The following FBN2 variants were observed in gnomAD, a reference collection of about 807,000 sequenced individuals.
FBN2 encodes fibrillin-2.
In FBN2, 105 loss-of-function variants were observed where a neutral mutation model predicts 355.6. The ratio of observed to expected loss-of-function variants is 0.30; its 90% CI spans 0.25 to 0.35. The LOEUF (loss-of-function observed/expected upper bound fraction) is 0.35. Ranked by LOEUF, FBN2 falls within the 10% of genes least tolerant of loss-of-function variation. FBN2 has a pLI of 1.00. For missense variants in FBN2, 3,280 were observed against 3,758.7 expected, an observed-to-expected ratio of 0.87 and a Z score of 3.33; for synonymous variants, 1,350 against 1,301.2, an observed-to-expected ratio of 1.04 and a Z score of -0.81.
chr5:128,352,098 A>G (rs1484284491), intron 20 of FBN2, among the ~76,000 whole-genome samples: 2 of 152,200 alleles, frequency 1.3e-5, no homozygotes, highest in African/African-American at 4.8e-5. Context: ...TTGATGAATA[A>G]TTTAAAAGAA....
intron 48 of FBN2, among the ~76,000 whole-genome samples, chr5:128,293,159 T>C (rs1233319238): frequency 6.6e-6 from 1 of 152,192 alleles, no homozygotes; most frequent in African/African-American, 2.4e-5. Flanking sequence ...CATGTTAGAA[T>C]GTCATCTGGG....
intron 48 of FBN2, among the ~76,000 whole-genome samples, chr5:128,297,991 T>C (rs1208738834): frequency 2.6e-5 from 4 of 151,542 alleles, no homozygotes; most frequent in East Asian, 1.9e-4. Flanking sequence ...TTCCTTTCCA[T>C]GTTTAGCACT....
intron 11 of FBN2, among the ~76,000 whole-genome samples, chr5:128,384,356 T>G (rs1752312939): frequency 6.6e-6 from 1 of 152,182 alleles, no homozygotes; most frequent in Admixed American, 6.6e-5. Flanking sequence ...ATGAGGGTGA[T>G]GGATATGTTC....
At chr5:128,351,936 T>C (rs1434516395) in intron 20 of FBN2, among the ~76,000 whole-genome samples, 1 of 152,102 alleles carries the variant, frequency 6.6e-6, no homozygotes, top group Non-Finnish European at 1.5e-5. Context: ...AAAGTATTCA[T>C]AAGATATATC....
chr5:128,517,831 A>C (rs1756320809), intron 5 of FBN2, among the ~76,000 whole-genome samples: 1 of 152,172 alleles, frequency 6.6e-6, no homozygotes, highest in Non-Finnish European at 1.5e-5. Context: ...ATAATTTCAT[A>C]TATTCTAGTT....
chr5:128,334,854 T>A lies in FBN2; in HGVS notation c.3974-10A>T. 6.2e-7 allele frequency: 1 copy of A among 1,604,810 alleles called. No homozygotes were observed. The highest frequency in any genetic ancestry group is 8.5e-7 in the Non-Finnish European group (1 of 1,171,504). ...TCACATTCATTGACATCTAGAAAAT[T>A]TATTTTCAATATCTTAGTATGTGCT... On this transcript the variant is annotated splice_polypyrimidine_tract_variant and intron_variant, in intron 30 of 64. Coordinates refer to ENST00000262464, the MANE Select transcript of FBN2 (RefSeq NM_001999.4).
intron 8 of FBN2, among the ~76,000 whole-genome samples, chr5:128,401,997 T>C (rs1407311698): frequency 6.6e-6 from 1 of 152,134 alleles, no homozygotes; most frequent in Non-Finnish European, 1.5e-5. Context: ...TCTCATTTCT[T>C]GAGCCAAAAC....
In FBN2 at chr5:128,464,793, T is replaced by A; in HGVS notation, c.757A>T (p.Met253Leu). ...IGRAWGHPCE[M>L]CPAQPQPCRR... ...CAGGGCTGAGGCTGGGCTGGACACA[T>A]CTCACAGGGATGGCCCCACGCCCGT... The change falls in exon 6 of 65, where the codon ATG becomes TTG. Residue 253 changes from methionine (M) to leucine (L), a missense_variant. By Grantham distance (15) the Met-to-Leu change is conservative. Transcript: ENST00000262464. 1.9e-6 allele frequency: 3 copies of A among 1,614,210 alleles called. No homozygotes were observed. The highest frequency in any genetic ancestry group is 2.5e-6 in the Non-Finnish European group (3 of 1,180,034).
chr5:128,288,325 C>A (rs900130001), intron 53 of FBN2, 113 bp downstream of exon 53: 8 of 1,272,346 alleles, frequency 6.3e-6, no homozygotes, highest in East Asian at 2.5e-5. Context: ...AAACAAAAAA[C>A]CCCACCGTAT....
intron 34 of FBN2, among the ~76,000 whole-genome samples, chr5:128,322,853 A>C (rs112174607): frequency 0.079 from 11,984 of 152,200 alleles, 619 homozygotes; most frequent in Non-Finnish European, 0.11. Context: ...TCTATAAATT[A>C]CTTTGGGCAG....
chr5:128,356,032 C>T (rs577159025), intron 20 of FBN2, among the ~76,000 whole-genome samples: 1 of 152,194 alleles, frequency 6.6e-6, no homozygotes, highest in Non-Finnish European at 1.5e-5. Context: ...TTGATTAATG[C>T]TGAATTCATT....
chr5:128,305,694 A>G, intron 43 of FBN2, 58 bp from the exon 44 acceptor site: 1 of 1,604,766 alleles, frequency 6.2e-7, no homozygotes, highest in Non-Finnish European at 8.5e-7. Context: ...TTAGCATTAC[A>G]TTCACGTCAC....
chr5:128,527,061 A>C (rs1378058379), intron 4 of FBN2, among the ~76,000 whole-genome samples: 1 of 152,198 alleles, frequency 6.6e-6, no homozygotes, highest in African/African-American at 2.4e-5. Context: ...CGTATAGTCT[A>C]CATCAGGTAA....
chr5:128,335,140 T>G, intron 30 of FBN2, 30 bp downstream of exon 30: 1 of 1,614,016 alleles, frequency 6.2e-7, no homozygotes, highest in South Asian at 1.1e-5. Context: ...TGTGTGTGTA[T>G]AAATGTTTAT....
chr5:128,312,140 A>C (rs1418344229), intron 37 of FBN2, among the ~76,000 whole-genome samples, 187 bp from the exon 38 acceptor site: 5 of 152,224 alleles, frequency 3.3e-5, no homozygotes, highest in Non-Finnish European at 7.3e-5. Flanking sequence ...TTTATTAATC[A>C]CATACACAGT....
intron 49 of FBN2, 75 bp downstream of exon 49, chr5:128,291,451 TACC>T: frequency 6.6e-7 from 1 of 1,515,240 alleles, no homozygotes; most frequent in Non-Finnish European, 9.2e-7. Flanking sequence ...TTAGGACTAA[TACC>T]AGCATGATGG....
intron 24 of FBN2, among the ~76,000 whole-genome samples, 185 bp downstream of exon 24, chr5:128,345,172 T>C (rs1179038163): frequency 6.6e-6 from 1 of 152,194 alleles, no homozygotes; most frequent in Non-Finnish European, 1.5e-5. Context: ...CTGTTTTATC[T>C]CTTTACTTCA....
At chr5:128,338,259 A>C (rs192439984) in intron 26 of FBN2, 137 bp from the exon 27 acceptor site, 146 of 887,654 alleles carry the variant, frequency 1.6e-4, no homozygotes, top group Non-Finnish European at 2.0e-4. Flanking sequence ...AGATGGGATA[A>C]CGCTTTCCTC....
At chr5:128,510,022 T>C (rs1756071387) in intron 5 of FBN2, among the ~76,000 whole-genome samples, 1 of 152,198 alleles carries the variant, frequency 6.6e-6, no homozygotes, top group Non-Finnish European at 1.5e-5. Flanking sequence ...AGAGACAGCC[T>C]CTGTAGATGT....
Sources: gnomAD v4.1 joint callset for allele counts (sites outside exome capture counted in the v4.1 genomes callset) on GRCh38, gnomAD v4.1.1 for gene constraint, MANE v1.5 for transcripts, NCBI Gene and HGNC (gene_info 2026-07-23, HGNC 2026-07-21) for gene names.